The following C10orf90 variants were observed in gnomAD, a reference collection of about 807,000 sequenced individuals.
C10orf90 encodes chromosome 10 open reading frame 90, also known as (E2-independent) E3 ubiquitin-conjugating enzyme FATS.
A neutral mutation model predicts 62.5 loss-of-function variants in C10orf90; 56 were observed. The ratio of observed to expected loss-of-function variants is 0.90; its 90% confidence interval spans 0.72 to 1.12. C10orf90 has a LOEUF of 1.12. C10orf90 is among the 50% of genes most tolerant of loss of function. The pLI is 0.00. For missense variants in C10orf90, 970 were observed against 880.4 expected (o/e 1.10, Z -1.29); for synonymous variants, 386 against 340.4 (o/e 1.13, Z -1.47).
At chr10:126,480,963 G>C (rs921770701) in intron 4 of C10orf90, among the ~76,000 whole-genome samples, 2 of 151,898 alleles carry the variant, frequency 1.3e-5, no homozygotes, top group Non-Finnish European at 2.9e-5. Flanking sequence ...TGGTGTGATC[G>C]GGCCTCTGCT....
At chr10:126,438,186 C>T (rs1316196620) in intron 7 of C10orf90, among the ~76,000 whole-genome samples, 1 of 152,168 alleles carries the variant, frequency 6.6e-6, no homozygotes, top group Admixed American at 6.5e-5. Context: ...GAAGCCTGCA[C>T]CCAACCCTAC....
intron 2 of C10orf90, among the ~76,000 whole-genome samples, chr10:126,617,872 A>G (rs1353072841): frequency 6.6e-6 from 1 of 152,220 alleles, no homozygotes; most frequent in South Asian, 2.1e-4. Context: ...TCGGAGAGAA[A>G]GAGAGAGGGA....
chr10:126,565,843 C>T (rs770879408), intron 2 of C10orf90, among the ~76,000 whole-genome samples: 23 of 152,158 alleles, frequency 1.5e-4, no homozygotes, highest in Non-Finnish European at 3.4e-4. Flanking sequence ...ACTGAGTGAA[C>T]CACCTCTCAG....
chr10:126,461,253 C>T (rs1248316716), intron 6 of C10orf90, 148 bp downstream of exon 6: 51 of 844,750 alleles, frequency 6.0e-5, no homozygotes, highest in Non-Finnish European at 8.5e-5. Context: ...GCCCAGAAAG[C>T]TTAGGGGACC....
At chr10:126,556,622 T>C (rs1430616101) in intron 2 of C10orf90, among the ~76,000 whole-genome samples, 1 of 152,200 alleles carries the variant, frequency 6.6e-6, no homozygotes. Context: ...AGTGTATTGT[T>C]GGCTGTGGGA....
intron 2 of C10orf90, among the ~76,000 whole-genome samples, chr10:126,527,096 C>T (rs554665095): frequency 1.3e-4 from 7 of 53,910 alleles, no homozygotes; most frequent in South Asian, 6.9e-4. Context: ...ATTGCCGTGT[C>T]GTATGATCAC....
intron 2 of C10orf90, among the ~76,000 whole-genome samples, chr10:126,584,741 GT>G (rs1374572543): frequency 1.3e-4 from 20 of 152,116 alleles, no homozygotes; most frequent in Non-Finnish European, 2.2e-4. Flanking sequence ...GAGGTTGGGG[GT>G]TGAGATACTA....
rs748574574 is a variant in C10orf90, at chr10:126,670,415, C to T, written c.66G>A (p.Thr22=). Residue 22 remains threonine, a synonymous_variant, in exon 1 of 10, where the codon ACG becomes ACA. Transcript: ENST00000488181. ...TTATCTGGAAAGTCCGATGCACGGC[C>T]GTTTCTGTGTAGCGGGCAGCATACC... ...PQGYAARYTE[T]AVHRTFQIKT... 49 of 456,542 alleles carry T rather than the reference C, an allele frequency of 1.1e-4. No homozygotes were observed. Among genetic ancestry groups the T allele is most frequent in the Admixed American group, 9.6e-4 (41 of 42,546 alleles). 28.3% of individuals were successfully genotyped at this position (456,542 alleles called of 1,614,324 possible).
Position 126,453,992 on chromosome 10 carries a change from A to G in C10orf90, c.2188+5048T>C, listed in dbSNP as rs75912455. 0.017 allele frequency among the ~76,000 whole-genome samples: 2,635 copies of G among 152,190 alleles called. 231 individuals are homozygous for G. In the East Asian group the frequency reaches 0.29, roughly 17 times the overall value. On this transcript the variant is annotated intron_variant, in intron 7 of 9. Transcript: ENST00000488181. This position sits in a 1 kb window ranked among gnomAD's most constrained non-coding sequence, Gnocchi z 4.9. ...GATTTTGGGGTGAGGGATGGAATCC[A>G]GGGAGGCTCTGAAGCTGGGCCCCCA...
intron 2 of C10orf90, among the ~76,000 whole-genome samples, chr10:126,623,871 C>A (rs1228779824): frequency 6.6e-6 from 1 of 150,546 alleles, no homozygotes; most frequent in Admixed American, 6.6e-5. Context: ...ATGAGAGCTT[C>A]ATATGACAGG....
intron 2 of C10orf90, among the ~76,000 whole-genome samples, chr10:126,564,851 TATATAAA>T (rs1197178891): frequency 0.059 from 590 of 9,950 alleles, 232 homozygotes; most frequent in Non-Finnish European, 0.068. Flanking sequence ...TATTATATAT[TATATAAA>T]ATATATATTA....
At chr10:126,492,110 A>G (rs776645407) in intron 4 of C10orf90, among the ~76,000 whole-genome samples, 1 of 152,380 alleles carries the variant, frequency 6.6e-6, no homozygotes, top group East Asian at 1.9e-4. Flanking sequence ...GAATCTGAAT[A>G]AAGTCTGTAG....
intron 2 of C10orf90, among the ~76,000 whole-genome samples, chr10:126,614,236 A>G (rs1015790322): frequency 4.6e-5 from 7 of 152,198 alleles, no homozygotes; most frequent in Non-Finnish European, 1.0e-4. Context: ...TTCCCAAGGA[A>G]GTAAAGTCTT....
At chr10:126,655,849 A>AAAAAG (rs1846385146) in intron 1 of C10orf90, among the ~76,000 whole-genome samples, 1 of 151,944 alleles carries the variant, frequency 6.6e-6, no homozygotes. Flanking sequence ...CAAAAAAAAA[A>AAAAAG]AAGAAGAAGA....
chr10:126,434,089 G>C (rs1253591466), intron 7 of C10orf90, among the ~76,000 whole-genome samples: 1 of 152,094 alleles, frequency 6.6e-6, no homozygotes, highest in African/African-American at 2.4e-5. Flanking sequence ...AACTTGGTAA[G>C]GCCAGACTTC....
At chr10:126,651,873 T>A (rs938998021) in intron 1 of C10orf90, among the ~76,000 whole-genome samples, 1 of 152,206 alleles carries the variant, frequency 6.6e-6, no homozygotes. Context: ...GAAAGAGGAC[T>A]ATCTCTTTTC....
chr10:126,619,275 A>G (rs1845600228), intron 2 of C10orf90, among the ~76,000 whole-genome samples: 1 of 152,202 alleles, frequency 6.6e-6, no homozygotes, highest in Non-Finnish European at 1.5e-5. Context: ...CACGCCCTCC[A>G]GGACACATAG....
chr10:126,552,959 C>A (rs1864670996), intron 2 of C10orf90, among the ~76,000 whole-genome samples: 1 of 152,080 alleles, frequency 6.6e-6, no homozygotes. Context: ...TATTAGACAT[C>A]GGTTGGGGGA....
intron 7 of C10orf90, among the ~76,000 whole-genome samples, 162 bp downstream of exon 7, chr10:126,458,878 G>T (rs1225495115): frequency 1.3e-5 from 2 of 152,176 alleles, no homozygotes; most frequent in East Asian, 3.8e-4. Context: ...CTGGCTCCAA[G>T]AACAGGATTT....
Sources: allele counts gnomAD v4.1 joint callset (sites outside exome capture counted in the v4.1 genomes callset), GRCh38; gene constraint gnomAD v4.1.1; non-coding constraint Gnocchi (gnomAD v3.1); transcripts MANE v1.5; gene names NCBI Gene and HGNC (gene_info 2026-07-23, HGNC 2026-07-21).